The following CPNE4 variants were observed in gnomAD, a reference collection of about 807,000 sequenced individuals.
CPNE4 encodes copine-4.
A neutral mutation model predicts 67.9 loss-of-function variants in CPNE4; 25 were observed. The ratio of observed to expected loss-of-function variants is 0.37; its 90% CI spans 0.27 to 0.51. The LOEUF (loss-of-function observed/expected upper bound fraction) is 0.51, where lower values mean the gene tolerates loss of function less well. CPNE4 is among the 20% of genes least tolerant of loss of function. The pLI is 0.93. For synonymous variants in CPNE4, 242 were observed against 244.9 expected, an observed-to-expected ratio of 0.99 and a Z score of 0.11; for missense variants, 464 against 690.8, an observed-to-expected ratio of 0.67 and a Z score of 3.68.
chr3:131,864,290 C>T (rs937640751), intron 2 of CPNE4, among the ~76,000 whole-genome samples: 11 of 151,626 alleles, frequency 7.3e-5, no homozygotes, highest in Non-Finnish European at 1.3e-4. Flanking sequence ...TATAAATTAC[C>T]TTAGGCAGTA....
intron 7 of CPNE4, among the ~76,000 whole-genome samples, chr3:131,626,305 A>G (rs2079073204): frequency 6.6e-6 from 1 of 152,262 alleles, no homozygotes; most frequent in East Asian, 1.9e-4. Context: ...GGCCTATTGC[A>G]ACAAACGCTT....
chr3:131,625,490 A>C (rs2107767102), intron 7 of CPNE4, among the ~76,000 whole-genome samples: 1 of 152,290 alleles, frequency 6.6e-6, no homozygotes, highest in East Asian at 1.9e-4. Flanking sequence ...GTAAGAGTAA[A>C]TGAGAAAAAA....
chr3:131,814,033 A>C (rs1275290414), intron 2 of CPNE4, among the ~76,000 whole-genome samples: 1 of 152,228 alleles, frequency 6.6e-6, no homozygotes, highest in African/African-American at 2.4e-5. Flanking sequence ...TATAGGATCC[A>C]GTAGAGATTT....
intron 6 of CPNE4, 141 bp from the exon 7 acceptor site, chr3:131,669,905 G>T: frequency 3.0e-6 from 2 of 674,640 alleles, no homozygotes; most frequent in Non-Finnish European, 5.1e-6. Flanking sequence ...ATAAAAACTT[G>T]ATGTAGTAAA....
At chr3:131,634,173 T>C (rs2079314104) in intron 7 of CPNE4, among the ~76,000 whole-genome samples, 1 of 152,170 alleles carries the variant, frequency 6.6e-6, no homozygotes, top group Non-Finnish European at 1.5e-5. Flanking sequence ...ATCTTACTGT[T>C]TGTGTGATAT....
At chr3:131,705,928 A>C (rs1430112506) in intron 3 of CPNE4, among the ~76,000 whole-genome samples, 4 of 152,154 alleles carry the variant, frequency 2.6e-5, no homozygotes, top group African/African-American at 9.7e-5. Context: ...CTCAGTTATT[A>C]GTCAGAGGCC....
chr3:131,717,193 T>C (rs904733225), intron 3 of CPNE4, among the ~76,000 whole-genome samples: 10 of 151,460 alleles, frequency 6.6e-5, no homozygotes, highest in African/African-American at 2.4e-4. Flanking sequence ...TTAGTACAAA[T>C]GCATTTGTCT....
At chr3:131,813,917 C>T (rs1255618884) in intron 2 of CPNE4, among the ~76,000 whole-genome samples, 1 of 152,144 alleles carries the variant, frequency 6.6e-6, no homozygotes, top group Non-Finnish European at 1.5e-5. Flanking sequence ...TATCTTGGGT[C>T]TCTGTGTCTT....
intron 7 of CPNE4, among the ~76,000 whole-genome samples, chr3:131,621,640 C>T (rs1245767129): frequency 1.3e-5 from 2 of 152,084 alleles, no homozygotes; most frequent in Non-Finnish European, 2.9e-5. Context: ...GGAGAATCTT[C>T]CCCATGAAAC....
At chr3:131,689,710 C>T (rs9865028) in intron 5 of CPNE4, among the ~76,000 whole-genome samples, 53,471 of 152,026 alleles carry the variant, frequency 0.35, 11,189 homozygotes, top group Non-Finnish European at 0.48. Context: ...TAAAAGTCCT[C>T]GCCAGAGCAC....
At chr3:131,914,066 C>T (rs983091506) in intron 1 of CPNE4, among the ~76,000 whole-genome samples, 1 of 152,098 alleles carries the variant, frequency 6.6e-6, no homozygotes, top group Non-Finnish European at 1.5e-5. Context: ...GTCATCAGAT[C>T]CTCAGGATAA....
chr3:131,863,860 T>C (rs1403345848), intron 2 of CPNE4, among the ~76,000 whole-genome samples: 4 of 152,274 alleles, frequency 2.6e-5, no homozygotes, highest in Non-Finnish European at 5.9e-5. Flanking sequence ...AAGTCTTTAA[T>C]CCATCTTGAA....
At chr3:131,618,726 A>G (rs1216203597) in intron 7 of CPNE4, among the ~76,000 whole-genome samples, 2 of 152,298 alleles carry the variant, frequency 1.3e-5, no homozygotes, top group South Asian at 2.1e-4. Context: ...AATGCCTGGC[A>G]TATCAATCAA....
At chr3:131,709,308 G>T (rs1317679490) in intron 3 of CPNE4, among the ~76,000 whole-genome samples, 1 of 152,132 alleles carries the variant, frequency 6.6e-6, no homozygotes, top group Non-Finnish European at 1.5e-5. Context: ...CGTCATGTGG[G>T]AGAATTTCTT....
chr3:131,559,305 A>G lies in CPNE4; in HGVS notation c.1062-3754T>C, dbSNP rs559183641. The stretch of plus-strand genomic sequence containing the variant: ...TTATTTCCATACACTTATTTATAAG[A>G]ACAGGTTTTCTTAGTATTTACATTG... On this transcript the variant is annotated intron_variant, in intron 11 of 15. Coordinates refer to ENST00000429747, the MANE Select transcript of CPNE4 (RefSeq NM_130808.3). Among the ~76,000 whole-genome samples the G allele has an allele frequency of 3.9e-5, 6 of 152,182 alleles. No homozygotes were observed. In the South Asian group the frequency reaches 1.2e-3, roughly 32 times the overall value.
chr3:131,844,458 A>G (rs371239893), intron 2 of CPNE4, among the ~76,000 whole-genome samples: 2 of 151,918 alleles, frequency 1.3e-5, no homozygotes, highest in African/African-American at 4.8e-5. Flanking sequence ...AGTAGAGACG[A>G]GGTTTCACCA....
At chr3:131,625,989 A>G (rs115652391) in intron 7 of CPNE4, among the ~76,000 whole-genome samples, 1,653 of 152,226 alleles carry the variant, frequency 0.011, 12 homozygotes, top group Non-Finnish European at 0.017. Context: ...CAGTGATCCA[A>G]ATGTTACTAT....
chr3:131,647,750 G>A (rs2107618107), intron 7 of CPNE4, among the ~76,000 whole-genome samples: 1 of 152,210 alleles, frequency 6.6e-6, no homozygotes, highest in South Asian at 2.1e-4. Context: ...ACTCAAAATA[G>A]AAACTGGAGA....
At chr3:131,852,620 A>G (rs2086281428) in intron 2 of CPNE4, among the ~76,000 whole-genome samples, 1 of 151,990 alleles carries the variant, frequency 6.6e-6, no homozygotes, top group Middle Eastern at 3.4e-3. Context: ...AAAGATTTCT[A>G]CTATCACTCC....
Sources: allele counts gnomAD v4.1 joint callset (sites outside exome capture counted in the v4.1 genomes callset), GRCh38; gene constraint gnomAD v4.1.1; transcripts MANE v1.5; gene names NCBI Gene and HGNC (gene_info 2026-07-23, HGNC 2026-07-21).